The following MAGI1 variants were observed in gnomAD, a reference collection of about 807,000 sequenced individuals.
MAGI1 encodes membrane-associated guanylate kinase, WW and PDZ domain-containing protein 1.
In MAGI1, 58 loss-of-function variants were observed where a neutral mutation model predicts 139.9. That is an observed-to-expected ratio of 0.41 (90% confidence interval 0.34 to 0.52). The LOEUF (loss-of-function observed/expected upper bound fraction) is 0.52, where lower values mean the gene tolerates loss of function less well. Ranked by LOEUF, MAGI1 falls within the 20% of genes least tolerant of loss-of-function variation. The pLI is 0.12. For missense variants in MAGI1, 1,874 were observed against 1,901.6 expected, an observed-to-expected ratio of 0.99 and a Z score of 0.27; for synonymous variants, 812 against 737.9, an observed-to-expected ratio of 1.10 and a Z score of -1.63.
At position 65,353,783 on chromosome 3, in the gene MAGI1, C is replaced by G. The variant is rs1273626815; in HGVS notation, c.*2595G>C. 6.6e-6 allele frequency: 1 copy of G among 152,160 alleles called. No individual in the cohort carries two copies. The highest frequency in any genetic ancestry group is 2.4e-5 in the African/African-American group (1 of 41,406). 9.4% of individuals were successfully genotyped at this position (152,160 alleles called of 1,614,324 possible). ...GGGCGGCGGGATTAAGGAAAGTAGG[C>G]TCACAAGAATCAGTTTCCAATTTAA... is the stretch of plus-strand genomic sequence containing the variant. On this transcript the variant is annotated 3_prime_UTR_variant, in exon 23 of 23. Coordinates refer to ENST00000402939, the MANE Select transcript of MAGI1 (RefSeq NM_001033057.2).
chr3:65,543,234 TAA>T (rs1384735116), intron 2 of MAGI1, among the ~76,000 whole-genome samples: 2 of 152,132 alleles, frequency 1.3e-5, no homozygotes, highest in Non-Finnish European at 2.9e-5. Context: ...TGGCGATCAT[TAA>T]AAAGTCAGGA....
chr3:65,936,305 C>T (rs2063046054), intron 1 of MAGI1, among the ~76,000 whole-genome samples: 1 of 152,122 alleles, frequency 6.6e-6, no homozygotes, highest in African/African-American at 2.4e-5. Context: ...ATCAAAATTC[C>T]TAAGCGTAAC....
intron 1 of MAGI1, among the ~76,000 whole-genome samples, chr3:65,966,322 C>A (rs1431143835): frequency 6.6e-6 from 1 of 152,138 alleles, no homozygotes; most frequent in Non-Finnish European, 1.5e-5. Flanking sequence ...CAAAAAACAG[C>A]AAGGTGTTCT....
intron 1 of MAGI1, among the ~76,000 whole-genome samples, chr3:65,738,683 A>G (rs1268424869): frequency 6.6e-6 from 1 of 152,222 alleles, no homozygotes; most frequent in African/African-American, 2.4e-5. Flanking sequence ...CGAAAACAAC[A>G]TTCATCTCCA....
intron 7 of MAGI1, among the ~76,000 whole-genome samples, chr3:65,447,789 T>C (rs1948766985): frequency 6.6e-6 from 1 of 152,202 alleles, no homozygotes; most frequent in African/African-American, 2.4e-5. Flanking sequence ...CGTTCTAGTC[T>C]CTGTTCAGTC....
At chr3:65,493,054 G>A (rs540917246) in intron 3 of MAGI1, among the ~76,000 whole-genome samples, 131 of 149,734 alleles carry the variant, frequency 8.7e-4, no homozygotes, top group African/African-American at 2.9e-3. Flanking sequence ...CTCCAGCCTG[G>A]GCGACAGAGC....
intron 1 of MAGI1, among the ~76,000 whole-genome samples, chr3:65,901,824 C>T (rs760499047): frequency 2.0e-5 from 3 of 152,320 alleles, no homozygotes; most frequent in South Asian, 2.1e-4. Context: ...TAAAAACTCA[C>T]AAATGCCTGC....
intron 1 of MAGI1, among the ~76,000 whole-genome samples, chr3:65,852,295 C>G (rs1390595564): frequency 1.3e-5 from 2 of 152,132 alleles, no homozygotes; most frequent in African/African-American, 4.8e-5. Context: ...CTCTCTGCAC[C>G]TGGCCAGCAT....
At chr3:65,707,659 C>G (rs1388266635) in intron 1 of MAGI1, among the ~76,000 whole-genome samples, 1 of 126,750 alleles carries the variant, frequency 7.9e-6, no homozygotes, top group African/African-American at 3.1e-5. Flanking sequence ...CACTGCACGG[C>G]AAACTGGGTG....
At chr3:65,795,726 C>CACACACACACACACAT (rs1553708462) in intron 1 of MAGI1, among the ~76,000 whole-genome samples, 2 of 149,040 alleles carry the variant, frequency 1.3e-5, no homozygotes, top group African/African-American at 5.0e-5. Context: ...CACACACACA[C>CACACACACACACACAT]GGAGAGAGAG....
In MAGI1 at chr3:65,472,527, A is replaced by G. The variant is rs1475125317; in HGVS notation, c.758-2043T>C. Reference sequence around the variant, plus strand: ...GATGTAGAAAACCAATTGTTTAAAAAGTTCTAATTTCAGTTGGGAATTACT... The same window carrying G: ...GATGTAGAAAACCAATTGTTTAAAAGGTTCTAATTTCAGTTGGGAATTACT... On this transcript the variant is annotated intron_variant, in intron 4 of 22. Coordinates refer to ENST00000402939, the MANE Select transcript of MAGI1 (RefSeq NM_001033057.2). Among the ~76,000 whole-genome samples the G allele has an allele frequency of 3.9e-5, 6 of 152,252 alleles. No individual in the cohort carries two copies. In the East Asian group the frequency reaches 1.2e-3, roughly 29 times the overall value.
intron 1 of MAGI1, among the ~76,000 whole-genome samples, chr3:65,846,019 A>G (rs1007672368): frequency 6.6e-6 from 1 of 152,200 alleles, no homozygotes; most frequent in Non-Finnish European, 1.5e-5. Context: ...TTGGGAATAA[A>G]AGCCTCAAAC....
intron 1 of MAGI1, among the ~76,000 whole-genome samples, chr3:65,636,788 G>A (rs2084651977): frequency 6.6e-6 from 1 of 152,014 alleles, no homozygotes; most frequent in African/African-American, 2.4e-5. Flanking sequence ...CCAGAGAAAG[G>A]AGAGAAGGCA....
At chr3:65,703,574 T>C (rs80325946) in intron 1 of MAGI1, among the ~76,000 whole-genome samples, 18,740 of 152,288 alleles carry the variant, frequency 0.12, 1,487 homozygotes, top group Non-Finnish European at 0.19. Flanking sequence ...CAGCTGCCTC[T>C]TGGACACTGC....
intron 1 of MAGI1, among the ~76,000 whole-genome samples, chr3:65,921,883 G>T (rs1490092342): frequency 1.3e-5 from 2 of 150,994 alleles, no homozygotes; most frequent in East Asian, 3.9e-4. Context: ...TCCAACCTGG[G>T]CAACAGAGTG....
chr3:65,837,936 G>T (rs981310958), intron 1 of MAGI1, among the ~76,000 whole-genome samples: 10 of 152,182 alleles, frequency 6.6e-5, no homozygotes, highest in Admixed American at 4.6e-4. Flanking sequence ...TAGGTTTACA[G>T]AAAGTGGTAA....
intron 1 of MAGI1, among the ~76,000 whole-genome samples, chr3:65,712,038 G>A (rs1021167607): frequency 1.3e-5 from 2 of 152,144 alleles, no homozygotes; most frequent in Non-Finnish European, 2.9e-5. Context: ...GAAAGAGAGG[G>A]TGTTTCTCCA....
intron 2 of MAGI1, among the ~76,000 whole-genome samples, chr3:65,616,435 G>C (rs1440626426): frequency 2.9e-4 from 44 of 152,202 alleles, no homozygotes; most frequent in Non-Finnish European, 1.5e-5. Context: ...AGATCCTTAA[G>C]AGTTGTACTT....
chr3:65,422,278 C>G (rs1325074936), intron 12 of MAGI1, among the ~76,000 whole-genome samples: 1 of 152,188 alleles, frequency 6.6e-6, no homozygotes, highest in Non-Finnish European at 1.5e-5. Flanking sequence ...TGCTGGAGAA[C>G]AGGCTTTGGA....
Sources: gnomAD v4.1 joint callset for allele counts (sites outside exome capture counted in the v4.1 genomes callset) on GRCh38, gnomAD v4.1.1 for gene constraint, MANE v1.5 for transcripts, NCBI Gene and HGNC (gene_info 2026-07-23, HGNC 2026-07-21) for gene names.